The following PPP1R16B variants were observed in gnomAD, a reference collection of about 807,000 sequenced individuals.
PPP1R16B encodes the protein protein phosphatase 1 regulatory subunit 16B.
Under a neutral mutation model 61.7 loss-of-function variants are expected in PPP1R16B, and 14 were observed. That is an observed-to-expected ratio of 0.23 (90% CI 0.15 to 0.35). The LOEUF is 0.35. Among genes scored for constraint, PPP1R16B ranks in the 10% least tolerant of loss-of-function variants. The pLI is 1.00. For synonymous variants in PPP1R16B, 266 were observed against 305.3 expected, an observed-to-expected ratio of 0.87 and a Z score of 1.34; for missense variants, 547 against 752.5, an observed-to-expected ratio of 0.73 and a Z score of 3.19.
rs1252152298 is a variant in PPP1R16B at position 38,836,188 on chromosome 20, G to A, written c.250+13G>A. ...GACGCCGAGGAAGGTAGGCCCCTCT[G>A]TGCCTTGGCGGCCACGCAGCTGCCT... On this transcript the variant is annotated intron_variant, in intron 2 of 10. Transcript: ENST00000299824. 2 of 1,601,342 alleles carry A rather than the reference G, an allele frequency of 1.2e-6. No homozygotes were observed. Among genetic ancestry groups the A allele is most frequent in the Non-Finnish European group, 8.5e-7 (1 of 1,174,448 alleles).
chr20:38,915,040 A>C (rs2145786667), intron 10 of PPP1R16B, among the ~76,000 whole-genome samples: 1 of 152,164 alleles, frequency 6.6e-6, no homozygotes, highest in Non-Finnish European at 1.5e-5. Flanking sequence ...AAATGAGTGG[A>C]AAGTACAGAT....
At chr20:38,889,212 A>C (rs751272121) in intron 2 of PPP1R16B, among the ~76,000 whole-genome samples, 1 of 152,162 alleles carries the variant, frequency 6.6e-6, no homozygotes, top group Non-Finnish European at 1.5e-5. Context: ...TGCAGATGAG[A>C]AAACTGAGGC....
chr20:38,888,139 G>A (rs2085260357), intron 2 of PPP1R16B, among the ~76,000 whole-genome samples: 1 of 152,240 alleles, frequency 6.6e-6, no homozygotes, highest in Admixed American at 6.5e-5. Context: ...CCTGCCCTAT[G>A]GCATGAACCG....
At chr20:38,833,309 G>T (rs2084849368) in intron 1 of PPP1R16B, among the ~76,000 whole-genome samples, 1 of 152,226 alleles carries the variant, frequency 6.6e-6, no homozygotes, top group South Asian at 2.1e-4. Context: ...ACAGGAGTGG[G>T]TTGGAGGGGG....
At position 38,898,069 on chromosome 20, in the gene PPP1R16B, A is replaced by G. The variant is rs146889885; in HGVS notation, c.467+2359A>G. Among the ~76,000 whole-genome samples, 522 of 152,322 alleles carry G rather than the reference A, an allele frequency of 3.4e-3. 1 individual carries two copies. The highest frequency in any genetic ancestry group is 0.012 in the African/African-American group (498 of 41,572). On this transcript the variant is annotated intron_variant, in intron 4 of 10. Coordinates refer to ENST00000299824, the MANE Select transcript of PPP1R16B (RefSeq NM_015568.4). ...CTTTGAAATCACTGCCAAATCCACT[A>G]TCATGGAGGTTTTGTTCTATGTTTT...
rs368899267 is a variant in PPP1R16B, at chr20:38,889,674, G to A, written c.321+9G>A. On this transcript the variant is annotated intron_variant, in intron 3 of 10. Transcript: ENST00000299824. The stretch of plus-strand genomic sequence containing the variant: ...TCACAGCCCTACACCAGGTAAGGCC[G>A]GGCTCGTTGGGGCTCCAGGGCTCCC... The A allele has an allele frequency of 7.7e-6, 12 of 1,563,976 alleles. No individual in the cohort carries two copies. Among genetic ancestry groups the A allele is most frequent in the South Asian group, 4.4e-5 (4 of 90,082 alleles).
intron 2 of PPP1R16B, among the ~76,000 whole-genome samples, chr20:38,877,380 G>A (rs1001839523): frequency 6.6e-6 from 1 of 151,740 alleles, no homozygotes; most frequent in Non-Finnish European, 1.5e-5. Context: ...TGCGACCTCG[G>A]CCCACTGCAA....
At chr20:38,855,011 C>T (rs2084994808) in intron 2 of PPP1R16B, among the ~76,000 whole-genome samples, 1 of 152,096 alleles carries the variant, frequency 6.6e-6, no homozygotes, top group Admixed American at 6.5e-5. Flanking sequence ...CACTTTTTTG[C>T]AGCAATTTTC....
chr20:38,814,322 C>T (rs1267558745), intron 1 of PPP1R16B, among the ~76,000 whole-genome samples: 1 of 152,078 alleles, frequency 6.6e-6, no homozygotes, highest in Non-Finnish European at 1.5e-5. Context: ...GAGGGAGTAC[C>T]TTTTTTCTTG....
At position 38,879,033 on chromosome 20, in the gene PPP1R16B, G is replaced by T. The variant is rs187052516; in HGVS notation, c.251-10562G>T. Among the ~76,000 whole-genome samples the T allele has an allele frequency of 2.2e-4, 33 of 152,290 alleles. No homozygotes were observed. In the East Asian group the frequency reaches 5.8e-3, roughly 27 times the overall value. ...GCCAGTGCGTGTTTAGGCGGGCCAG[G>T]CTCTGCGGAGCGGAAGGGAGATCAG... On this transcript the variant is annotated intron_variant, in intron 2 of 10. Transcript: ENST00000299824.
At chr20:38,895,488 G>T (rs1316316384) in intron 3 of PPP1R16B, 77 bp from the exon 4 acceptor site, 2 of 1,491,178 alleles carry the variant, frequency 1.3e-6, no homozygotes, top group African/African-American at 2.8e-5. Context: ...CTCTTGCGGG[G>T]AACCTGGTGT....
intron 2 of PPP1R16B, among the ~76,000 whole-genome samples, chr20:38,851,623 T>C (rs1463364663): frequency 6.6e-6 from 1 of 152,114 alleles, no homozygotes; most frequent in African/African-American, 2.4e-5. Context: ...TGTTCAGTGG[T>C]GAACAAAACA....
In PPP1R16B at chr20:38,814,062, G is replaced by A. The variant is rs529878446; in HGVS notation, c.-102+8270G>A. Among the ~76,000 whole-genome samples, 232 of 152,254 alleles carry A rather than the reference G, an allele frequency of 1.5e-3. 1 individual carries two copies. The highest frequency in any genetic ancestry group is 5.3e-3 in the African/African-American group (220 of 41,546). ...TCCACCCGGCTCGGCCTCCCAGGGT[G>A]TTGGGATTACAGGCATGAGCCACTG... On this transcript the variant is annotated intron_variant, in intron 1 of 10. Transcript: ENST00000299824.
At chr20:38,834,681 G>A (rs2084857905) in intron 1 of PPP1R16B, among the ~76,000 whole-genome samples, 1 of 151,956 alleles carries the variant, frequency 6.6e-6, no homozygotes, top group Non-Finnish European at 1.5e-5. Flanking sequence ...GATTATATCT[G>A]TCAATATTTA....
At chr20:38,860,417 G>A (rs2085040788) in intron 2 of PPP1R16B, among the ~76,000 whole-genome samples, 1 of 152,158 alleles carries the variant, frequency 6.6e-6, no homozygotes, top group South Asian at 2.1e-4. Flanking sequence ...GTATGTTTTT[G>A]AAATCTGAAA....
rs375166242 is a variant in PPP1R16B at position 38,904,249 on chromosome 20, A to G, written c.696+1457A>G. 1.1e-4 allele frequency among the ~76,000 whole-genome samples: 16 copies of G among 152,288 alleles called. No homozygotes were observed. In the South Asian group the frequency reaches 1.7e-3, roughly 16 times the overall value. ...ATTACCCAGCCTCATTGCAGCTCCA[A>G]TGGGGCTGTCATTGGGTCCTCTAGA... is the stretch of plus-strand genomic sequence containing the variant. On this transcript the variant is annotated intron_variant, in intron 6 of 10. Transcript: ENST00000299824.
chr20:38,807,881 A>G (rs183347821), intron 1 of PPP1R16B, among the ~76,000 whole-genome samples: 12 of 151,938 alleles, frequency 7.9e-5, no homozygotes, highest in African/African-American at 2.7e-4. Context: ...TTCATGTGTC[A>G]AGGGCCCCGT....
chr20:38,870,101 T>C (rs2085117907), intron 2 of PPP1R16B, among the ~76,000 whole-genome samples: 1 of 151,980 alleles, frequency 6.6e-6, no homozygotes, highest in Non-Finnish European at 1.5e-5. Context: ...TTTTTGTATT[T>C]TTAGTAGAGA....
chr20:38,856,651 T>A (rs1294043450), intron 2 of PPP1R16B, among the ~76,000 whole-genome samples: 1 of 152,176 alleles, frequency 6.6e-6, no homozygotes, highest in East Asian at 1.9e-4. Context: ...TTTTATTGGA[T>A]AACTTAAGCA....
Sources: gnomAD v4.1 joint callset for allele counts (sites outside exome capture counted in the v4.1 genomes callset) on GRCh38, gnomAD v4.1.1 for gene constraint, MANE v1.5 for transcripts, NCBI Gene and HGNC (gene_info 2026-07-23, HGNC 2026-07-21) for gene names.